ANO4: variants seen among roughly 807,000 people sequenced by gnomAD.
ANO4 encodes anoctamin 4, also known as anoctamin-4.
A neutral mutation model predicts 141.9 loss-of-function variants in ANO4; 69 were observed. The observed-to-expected ratio is 0.49, with a 90% CI of 0.40 to 0.59. The LOEUF is 0.59. Among genes scored for constraint, ANO4 ranks in the 20% least tolerant of loss-of-function variants. The pLI is 0.00. For synonymous variants in ANO4, 350 were observed against 394.3 expected, an observed-to-expected ratio of 0.89 and a Z score of 1.33; for missense variants, 894 against 1,162.2, an observed-to-expected ratio of 0.77 and a Z score of 3.36.
chr12:101,104,657 A>G (rs1305998000), intron 22 of ANO4, among the ~76,000 whole-genome samples: 2 of 63,010 alleles, frequency 3.2e-5, no homozygotes, highest in Non-Finnish European at 5.8e-5. Context: ...ATATATATAT[A>G]TATATATATA....
chr12:100,841,337 A>G (rs1315674227), intron 1 of ANO4, among the ~76,000 whole-genome samples: 1 of 152,174 alleles, frequency 6.6e-6, no homozygotes, highest in Non-Finnish European at 1.5e-5. Flanking sequence ...ACTCATGTAC[A>G]TATTCATTCA....
At position 100,806,524 on chromosome 12, in the gene ANO4, G is replaced by GTTTTTTTTTTTTTTTTTTTTTTT. The variant is rs763949654; in HGVS notation, c.-141+11511_-141+11533dup. The stretch of plus-strand genomic sequence containing the variant: ...TTTTAGGAGGTTTTTTTTTTGTTTC[G>GTTTTTTTTTTTTTTTTTTTTTTT]TTTTTTTTTTTTTTTTTTTTTTTTT... On this transcript the variant is annotated intron_variant, in intron 1 of 27. Transcript: ENST00000392977. 4.7e-4 allele frequency among the ~76,000 whole-genome samples: 28 copies of GTTTTTTTTTTTTTTTTTTTTTTT among 59,882 alleles called. 4 individuals are homozygous for GTTTTTTTTTTTTTTTTTTTTTTT. Among genetic ancestry groups the GTTTTTTTTTTTTTTTTTTTTTTT allele is most frequent in the South Asian group, 7.2e-4 (1 of 1,382 alleles). The allele number at this position is 59,882 out of a possible 152,430, so 39.3% of individuals were successfully genotyped here. A position where few individuals can be genotyped will look rare whatever the true frequency, so the allele number is the denominator to read the frequency against.
At chr12:101,094,385 A>G in intron 18 of ANO4, 93 bp downstream of exon 18, 1 of 1,010,508 alleles carries the variant, frequency 9.9e-7, no homozygotes, top group Non-Finnish European at 1.4e-6. Context: ...GGAAAGAAAT[A>G]GTCCCTTTAT....
At chr12:100,770,079 T>G (rs76925662) in intron 3 of ANO4, among the ~76,000 whole-genome samples, 1,907 of 152,340 alleles carry the variant, frequency 0.013, 25 homozygotes, top group African/African-American at 0.043. Context: ...TGTCTCTGGT[T>G]GAATATTGCG....
At chr12:100,790,304 C>G (rs2034003352), upstream of ANO4, among the ~76,000 whole-genome samples, 1 of 152,150 alleles carries the variant, frequency 6.6e-6, no homozygotes, top group Non-Finnish European at 1.5e-5. Context: ...AGACCTGTTA[C>G]AAGGGGATGG....
upstream of ANO4, chr12:100,717,409 C>G: frequency 5.3e-6 from 2 of 375,446 alleles, no homozygotes; most frequent in Non-Finnish European, 9.5e-6. Flanking sequence ...CGCGGAGCGC[C>G]CGGGCGCCGC....
chr12:100,825,557 T>C (rs1003670482), intron 1 of ANO4, among the ~76,000 whole-genome samples: 1 of 152,042 alleles, frequency 6.6e-6, no homozygotes, highest in Admixed American at 6.6e-5. Flanking sequence ...CATTTTGTGA[T>C]AGATAAGACA....
At chr12:100,994,832 G>T (rs1380301199) in intron 8 of ANO4, among the ~76,000 whole-genome samples, 1 of 152,190 alleles carries the variant, frequency 6.6e-6, no homozygotes, top group Non-Finnish European at 1.5e-5. Flanking sequence ...TTGTAGCTGG[G>T]TGTAACTGGT....
intron 5 of ANO4, 109 bp downstream of exon 5, chr12:100,942,644 C>T: frequency 8.6e-7 from 1 of 1,156,652 alleles, no homozygotes; most frequent in Non-Finnish European, 1.2e-6. Flanking sequence ...TTCATTTGGT[C>T]AGAGTTTTCC....
intron 1 of ANO4, among the ~76,000 whole-genome samples, chr12:100,832,133 A>G (rs2036664406): frequency 6.6e-6 from 1 of 152,078 alleles, no homozygotes; most frequent in Admixed American, 6.6e-5. Context: ...TGATGAAGAC[A>G]GGGACGCTCA....
chr12:100,811,946 A>G (rs376095648), intron 1 of ANO4, among the ~76,000 whole-genome samples: 2 of 152,138 alleles, frequency 1.3e-5, no homozygotes, highest in African/African-American at 4.8e-5. Flanking sequence ...ATAACCTTAT[A>G]CAGACTTATG....
intron 1 of ANO4, among the ~76,000 whole-genome samples, chr12:100,874,034 A>G (rs905449298): frequency 1.3e-5 from 2 of 152,254 alleles, no homozygotes; most frequent in Admixed American, 6.5e-5. Context: ...GGTGCCAGCC[A>G]TAAGCGTTGG....
chr12:100,884,826 C>T (rs2039751369), intron 1 of ANO4, among the ~76,000 whole-genome samples: 1 of 152,208 alleles, frequency 6.6e-6, no homozygotes, highest in Non-Finnish European at 1.5e-5. Context: ...CCCCGAGTAG[C>T]TGGGATTACA....
chr12:100,890,898 A>G (rs2040072118), intron 1 of ANO4, among the ~76,000 whole-genome samples: 1 of 152,182 alleles, frequency 6.6e-6, no homozygotes, highest in Non-Finnish European at 1.5e-5. Context: ...TATAGCATTA[A>G]ACAGAGTAGT....
intron 8 of ANO4, among the ~76,000 whole-genome samples, chr12:100,994,158 A>T (rs1292622289): frequency 6.6e-6 from 1 of 152,198 alleles, no homozygotes; most frequent in African/African-American, 2.4e-5. Flanking sequence ...ACAAAATCAC[A>T]TCCCTTTCCT....
chr12:101,061,468 A>C (rs1010710228), intron 14 of ANO4, among the ~76,000 whole-genome samples: 44 of 152,186 alleles, frequency 2.9e-4, no homozygotes, highest in Non-Finnish European at 4.7e-4. Context: ...TAATATCCTG[A>C]AGAGTGTTTT....
At chr12:100,839,366 A>T (rs1032015739) in intron 1 of ANO4, among the ~76,000 whole-genome samples, 2 of 152,198 alleles carry the variant, frequency 1.3e-5, no homozygotes, top group Non-Finnish European at 2.9e-5. Context: ...ACCAAGTCAC[A>T]ATTTATTTAG....
At chr12:101,015,075 T>A (rs2046259737) in intron 8 of ANO4, among the ~76,000 whole-genome samples, 1 of 151,960 alleles carries the variant, frequency 6.6e-6, no homozygotes, top group South Asian at 2.1e-4. Flanking sequence ...CTCCTGCATT[T>A]GCCTCCCAAA....
intron 8 of ANO4, among the ~76,000 whole-genome samples, chr12:100,989,793 GGATGGATA>G (rs1357369414): frequency 3.6e-5 from 5 of 139,090 alleles, no homozygotes; most frequent in African/African-American, 8.3e-5. Flanking sequence ...ATGGATGGAT[GGATGGATA>G]GATGGATGGA....
Sources: gnomAD v4.1 joint callset for allele counts (sites outside exome capture counted in the v4.1 genomes callset) on GRCh38, gnomAD v4.1.1 for gene constraint, MANE v1.5 for transcripts, NCBI Gene and HGNC (gene_info 2026-07-23, HGNC 2026-07-21) for gene names.